Variants in SPACA1 observed in about 807,000 individuals in gnomAD.
The protein encoded by SPACA1 is sperm acrosome membrane-associated protein 1.
In SPACA1, 17 loss-of-function variants were observed where a neutral mutation model predicts 32.6. The ratio of observed to expected loss-of-function variants is 0.52; its 90% CI spans 0.36 to 0.78. The LOEUF (loss-of-function observed/expected upper bound fraction) is 0.78. SPACA1 is among the 30% of genes least tolerant of loss of function. The pLI is 0.01. For missense variants in SPACA1, 363 were observed against 373.4 expected (o/e 0.97, Z 0.23); for synonymous variants, 140 against 138.1 (o/e 1.01, Z -0.10).
At chr6:88,048,805 A>G (rs145082907) in intron 1 of SPACA1, among the ~76,000 whole-genome samples, 7 of 152,304 alleles carry the variant, frequency 4.6e-5, no homozygotes, top group African/African-American at 1.7e-4. Flanking sequence ...CTGGCTCATT[A>G]AGCAATAAAA....
chr6:88,050,875 G>T, intron 1 of SPACA1, among the ~76,000 whole-genome samples: 1 of 152,174 alleles, frequency 6.6e-6, no homozygotes, highest in East Asian at 1.9e-4. Flanking sequence ...TATGGCCAGG[G>T]GCGGTGGCTC....
chr6:88,053,469 C>T (rs1382600668), intron 1 of SPACA1, among the ~76,000 whole-genome samples: 1 of 152,120 alleles, frequency 6.6e-6, no homozygotes, highest in Non-Finnish European at 1.5e-5. Flanking sequence ...TTTAAATTTA[C>T]CATCTTAACC....
chr6:88,061,650 T>C (rs1053743137), intron 5 of SPACA1, among the ~76,000 whole-genome samples: 3 of 152,150 alleles, frequency 2.0e-5, no homozygotes, highest in East Asian at 3.9e-4. Flanking sequence ...GAACCTTCAG[T>C]GAGAGCATGG....
intron 2 of SPACA1, among the ~76,000 whole-genome samples, chr6:88,055,953 A>G (rs1028534399): frequency 2.1e-4 from 32 of 151,862 alleles, no homozygotes; most frequent in African/African-American, 7.0e-4. Context: ...CTGGCGACAA[A>G]GCGAGACTCC....
chr6:88,055,854 C>T (rs940004134), intron 2 of SPACA1, among the ~76,000 whole-genome samples: 1 of 152,042 alleles, frequency 6.6e-6, no homozygotes, highest in African/African-American at 2.4e-5. Context: ...ACCTGTAGTC[C>T]CAGCTACTTG....
At chr6:88,057,795 A>T in intron 3 of SPACA1, 82 bp downstream of exon 3, 1 of 1,136,290 alleles carries the variant, frequency 8.8e-7, no homozygotes, top group Non-Finnish European at 1.3e-6. Context: ...GTTGCCACTG[A>T]GTAGAAGGAG....
At chr6:88,051,063 C>T (rs1007508277) in intron 1 of SPACA1, among the ~76,000 whole-genome samples, 3 of 151,634 alleles carry the variant, frequency 2.0e-5, no homozygotes, top group Admixed American at 6.6e-5. Context: ...AGGAGAATGG[C>T]GTGAACCCAG....
At chr6:88,057,320 C>A (rs9450870) in intron 2 of SPACA1, among the ~76,000 whole-genome samples, 4,611 of 152,200 alleles carry the variant, frequency 0.03, 222 homozygotes, top group African/African-American at 0.11. Context: ...GTAAAGCGGT[C>A]CCTTTAATTT....
intron 2 of SPACA1, among the ~76,000 whole-genome samples, chr6:88,056,675 A>G (rs1341737415): frequency 6.6e-6 from 1 of 152,176 alleles, no homozygotes; most frequent in African/African-American, 2.4e-5. Context: ...TTTGCCCTCT[A>G]AGATAACATC....
intron 1 of SPACA1, 70 bp downstream of exon 1, chr6:88,048,183 C>T (rs769514581): frequency 2.2e-5 from 32 of 1,426,324 alleles, no homozygotes; most frequent in Non-Finnish European, 3.0e-5. Context: ...TGCTCTTTGC[C>T]TGAGAACCAT....
rs1775937289 is a variant in SPACA1, at chr6:88,064,042, A to G, written c.611-57A>G. The G allele has an allele frequency of 3.2e-6, 5 of 1,543,500 alleles. No individual in the cohort carries two copies. In the South Asian group the frequency reaches 3.8e-5, roughly 12 times the overall value. On this transcript the variant is annotated intron_variant, in intron 5 of 6. Coordinates refer to ENST00000237201, the MANE Select transcript of SPACA1 (RefSeq NM_030960.3). ...TTTCAAATATAAACTTTTAAGTTAG[A>G]TATTCATTTCCTTTTCCTCAGTAGT...
At chr6:88,063,327 G>A (rs188942012) in intron 5 of SPACA1, among the ~76,000 whole-genome samples, 1 of 152,252 alleles carries the variant, frequency 6.6e-6, no homozygotes, top group African/African-American at 2.4e-5. Context: ...CCATCAGTAG[G>A]AGGATGAGTA....
At chr6:88,064,311 G>A (rs1775945038) in intron 6 of SPACA1, 92 bp downstream of exon 6, 2 of 1,348,438 alleles carry the variant, frequency 1.5e-6, no homozygotes, top group Non-Finnish European at 2.0e-6. Flanking sequence ...TGTCCGTGAT[G>A]TCTCCTACAT....
At position 88,057,693 on chromosome 6, in the gene SPACA1, G is replaced by A. The variant is rs954844868; in HGVS notation, c.347G>A (p.Arg116His). 1.4e-5 allele frequency: 23 copies of A among 1,613,736 alleles called. No individual in the cohort carries two copies. Among genetic ancestry groups the A allele is most frequent in the African/African-American group, 6.7e-5 (5 of 74,906 alleles). Residue 116 changes from arginine (R) to histidine (H), a missense_variant, in exon 3 of 7, where the codon CGT (arginine) becomes CAT (histidine). Coordinates refer to ENST00000237201, the MANE Select transcript of SPACA1 (RefSeq NM_030960.3). ...SKCVVRVEEC[R>H]GPTDCGWGKP... The stretch of plus-strand genomic sequence containing the variant: ...TGTGTTGTACGGGTAGAAGAATGCC[G>A]TGGACCAACAGATTGTGGCTGTGAG...
intron 1 of SPACA1, among the ~76,000 whole-genome samples, chr6:88,050,990 A>G (rs1488404213): frequency 1.3e-5 from 2 of 152,174 alleles, no homozygotes; most frequent in African/African-American, 4.8e-5. Flanking sequence ...TACTAAAAAT[A>G]CAAAAAATTA....
intron 2 of SPACA1, among the ~76,000 whole-genome samples, chr6:88,055,334 G>C (rs1163475075): frequency 1.3e-5 from 2 of 152,150 alleles, no homozygotes; most frequent in African/African-American, 4.8e-5. Flanking sequence ...AGCAGACAAA[G>C]CAGACAAAAC....
At chr6:88,052,871 T>C (rs58458923) in intron 1 of SPACA1, among the ~76,000 whole-genome samples, 6 of 152,210 alleles carry the variant, frequency 3.9e-5, no homozygotes, top group Admixed American at 1.3e-4. Flanking sequence ...TTGGTGCTCT[T>C]AAGTACAGAA....
rs1045886088 is a variant in SPACA1, at chr6:88,059,523, A to C, written c.545A>C (p.Glu182Ala). ...VRKESHPLAF[E>A]CDTLDNNEIV... ...AAGGAAAGTCACCCCTTGGCTTTCG[A>C]GTGTGACACACTGGATAATAATGAA... is the stretch of plus-strand genomic sequence containing the variant. Residue 182 changes from glutamate to alanine, a missense_variant, in exon 5 of 7, where the codon GAG becomes GCG. Physicochemically the swap from Glu to Ala is moderately radical, Grantham distance 107. Coordinates refer to ENST00000237201, the MANE Select transcript of SPACA1 (RefSeq NM_030960.3). The C allele has an allele frequency of 1.7e-5, 28 of 1,613,590 alleles. No individual in the cohort carries two copies. The highest frequency in any genetic ancestry group is 2.3e-5 in the Non-Finnish European group (27 of 1,179,694).
chr6:88,060,098 T>G (rs1775870104), intron 5 of SPACA1, among the ~76,000 whole-genome samples: 1 of 152,246 alleles, frequency 6.6e-6, no homozygotes, highest in African/African-American at 2.4e-5. Context: ...GATGAAGCAC[T>G]AATACAGTTC....
Sources: gnomAD v4.1 joint callset for allele counts (sites outside exome capture counted in the v4.1 genomes callset) on GRCh38, gnomAD v4.1.1 for gene constraint, MANE v1.5 for transcripts, NCBI Gene and HGNC (gene_info 2026-07-23, HGNC 2026-07-21) for gene names.